The following CPE variants were observed in gnomAD, a reference collection of about 807,000 sequenced individuals.
The protein encoded by CPE is carbocypeptidase E.
CPE carries 17 observed loss-of-function variants against 53.5 expected under a neutral mutation model. The ratio of observed to expected loss-of-function variants is 0.32; its 90% CI spans 0.22 to 0.48. CPE has a LOEUF of 0.48. CPE is among the 20% of genes least tolerant of loss of function. The pLI is 0.99. For synonymous variants in CPE, 226 were observed against 228.8 expected (o/e 0.99, Z 0.11); for missense variants, 524 against 614.7 (o/e 0.85, Z 1.56).
chr4:165,434,971 T>G (rs1160262518), intron 1 of CPE, among the ~76,000 whole-genome samples: 1 of 152,158 alleles, frequency 6.6e-6, no homozygotes, highest in Non-Finnish European at 1.5e-5. Context: ...ACCTCCCTTC[T>G]TTTGCTCTGG....
intron 1 of CPE, among the ~76,000 whole-genome samples, chr4:165,415,826 T>A (rs1283664189): frequency 6.6e-6 from 1 of 152,030 alleles, no homozygotes. Context: ...ATATATATAT[T>A]TGTCACATAT....
chr4:165,436,871 A>G (rs1390655889), intron 1 of CPE, among the ~76,000 whole-genome samples: 2 of 152,216 alleles, frequency 1.3e-5, no homozygotes, highest in Non-Finnish European at 2.9e-5. Context: ...GAAGAGGAAA[A>G]GCTTCTACTT....
intron 4 of CPE, among the ~76,000 whole-genome samples, chr4:165,483,760 G>A (rs891940136): frequency 1.3e-5 from 2 of 152,102 alleles, no homozygotes; most frequent in Non-Finnish European, 2.9e-5. Context: ...CTGCTTGTAT[G>A]TCTTCTTTTG....
intron 1 of CPE, among the ~76,000 whole-genome samples, chr4:165,455,707 C>T (rs1731890165): frequency 6.6e-6 from 1 of 150,648 alleles, no homozygotes; most frequent in African/African-American, 2.5e-5. Flanking sequence ...GGATAGAGTG[C>T]AGTGGCATGA....
At chr4:165,465,940 G>A (rs956130386) in intron 2 of CPE, among the ~76,000 whole-genome samples, 1 of 152,090 alleles carries the variant, frequency 6.6e-6, no homozygotes, top group Non-Finnish European at 1.5e-5. Flanking sequence ...TTTATAACTA[G>A]TGAATATATA....
intron 1 of CPE, among the ~76,000 whole-genome samples, chr4:165,460,427 CT>C (rs1731979654): frequency 6.6e-6 from 1 of 151,926 alleles, no homozygotes; most frequent in Non-Finnish European, 1.5e-5. Context: ...AATTAATCTT[CT>C]TGATGGGAAA....
chr4:165,493,581 G>C (rs1381595734), intron 7 of CPE, among the ~76,000 whole-genome samples: 2 of 152,184 alleles, frequency 1.3e-5, no homozygotes, highest in South Asian at 4.1e-4. Flanking sequence ...AAAGGAAAAG[G>C]AGCTGCTGGA....
At chr4:165,420,063 C>T (rs749821752) in intron 1 of CPE, among the ~76,000 whole-genome samples, 1 of 151,680 alleles carries the variant, frequency 6.6e-6, no homozygotes, top group African/African-American at 2.4e-5. Context: ...ACTTTTGTAG[C>T]CTTATATGTG....
intron 1 of CPE, among the ~76,000 whole-genome samples, chr4:165,424,948 C>T (rs1187776320): frequency 2.0e-5 from 3 of 150,368 alleles, no homozygotes; most frequent in African/African-American, 4.9e-5. Flanking sequence ...GATCTTGGCT[C>T]ACTGCAACCT....
At chr4:165,434,313 A>C (rs1731460131) in intron 1 of CPE, among the ~76,000 whole-genome samples, 1 of 152,186 alleles carries the variant, frequency 6.6e-6, no homozygotes. Flanking sequence ...AAATACATTT[A>C]AATCTATAAT....
In CPE at chr4:165,476,250, T is replaced by G. The variant is rs543659531; in HGVS notation, c.673-5992T>G. 5.9e-5 allele frequency among the ~76,000 whole-genome samples: 9 copies of G among 152,318 alleles called. No individual in the cohort carries two copies. The South Asian group carries it at 1.7e-3, about 28-fold the overall frequency. On this transcript the variant is annotated intron_variant, in intron 3 of 8. Coordinates refer to ENST00000402744, the MANE Select transcript of CPE (RefSeq NM_001873.4). The stretch of plus-strand genomic sequence containing the variant: ...CAACTTGAGAGATCAAGTGCCCTGT[T>G]TGACCTTTTGACTTGGGGCTTTATA...
In CPE at chr4:165,495,678, G is replaced by T; in HGVS notation, c.1332+1G>T. On this transcript the variant is annotated splice_donor_variant, in intron 8 of 8. Coordinates refer to ENST00000402744, the MANE Select transcript of CPE (RefSeq NM_001873.4). LOFTEE classifies it high-confidence loss of function. Reference sequence around the variant, plus strand: ...AGTTCCTTACAGCCCTGCTGCTGGGGTAAGTAATCATAATAATAGCCAAAC... The same window carrying T: ...AGTTCCTTACAGCCCTGCTGCTGGGTTAAGTAATCATAATAATAGCCAAAC... 6.3e-7 allele frequency: 1 copy of T among 1,589,180 alleles called. No homozygotes were observed. The highest frequency in any genetic ancestry group is 8.6e-7 in the Non-Finnish European group (1 of 1,161,486).
chr4:165,401,340 T>C (rs889542755), intron 1 of CPE, among the ~76,000 whole-genome samples: 4 of 152,212 alleles, frequency 2.6e-5, no homozygotes, highest in Admixed American at 2.0e-4. Context: ...CCCAGTGAGC[T>C]TTGGATTTGC....
At chr4:165,418,126 T>C (rs925599821) in intron 1 of CPE, 10 of 152,218 alleles carry the variant, frequency 6.6e-5, no homozygotes, top group Non-Finnish European at 1.5e-4. Context: ...AAGGGTGTTG[T>C]TTAAAACGCA....
At chr4:165,385,689 C>T (rs1730580341) in intron 1 of CPE, among the ~76,000 whole-genome samples, 1 of 152,084 alleles carries the variant, frequency 6.6e-6, no homozygotes, top group African/African-American at 2.4e-5. Context: ...AATCATCAAG[C>T]AAGCTTGAAT....
chr4:165,416,228 C>T (rs879914644), intron 1 of CPE, among the ~76,000 whole-genome samples: 1 of 151,670 alleles, frequency 6.6e-6, no homozygotes, highest in Non-Finnish European at 1.5e-5. Context: ...CTAAGCTTGG[C>T]GATGGAGGGA....
chr4:165,484,187 A>C (rs759740285), intron 4 of CPE, among the ~76,000 whole-genome samples: 3 of 152,174 alleles, frequency 2.0e-5, no homozygotes, highest in Non-Finnish European at 2.9e-5. Context: ...CTTTCAACTC[A>C]TAAGTAGAAT....
chr4:165,485,107 C>T (rs921169074), intron 5 of CPE, among the ~76,000 whole-genome samples: 2 of 152,116 alleles, frequency 1.3e-5, no homozygotes, highest in Non-Finnish European at 2.9e-5. Context: ...TCTATGAGAT[C>T]AGGTAGCTTT....
chr4:165,399,163 G>C (rs1395910222), intron 1 of CPE, among the ~76,000 whole-genome samples: 1 of 152,088 alleles, frequency 6.6e-6, no homozygotes, highest in African/African-American at 2.4e-5. Context: ...TCATAAACCA[G>C]AGATGTAGTT....
Sources: gnomAD v4.1 joint callset for allele counts (sites outside exome capture counted in the v4.1 genomes callset) on GRCh38, gnomAD v4.1.1 for gene constraint, MANE v1.5 for transcripts, NCBI Gene and HGNC (gene_info 2026-07-23, HGNC 2026-07-21) for gene names.